Variants in NTM observed in about 807,000 individuals in gnomAD.
NTM encodes the protein IgLON family member 2.
A neutral mutation model predicts 42.1 loss-of-function variants in NTM; 13 were observed. The ratio of observed to expected loss-of-function variants is 0.31; its 90% CI spans 0.20 to 0.49. The LOEUF is 0.49. Among genes scored for constraint, NTM ranks in the 20% least tolerant of loss-of-function variants. The pLI, the probability that NTM is intolerant of heterozygous loss-of-function variation, is 0.99. For missense variants in NTM, 373 were observed against 452.8 expected (o/e 0.82, Z 1.60); for synonymous variants, 187 against 179.2 (o/e 1.04, Z -0.35).
At chr11:132,196,620 T>A (rs1468279570) in intron 3 of NTM, among the ~76,000 whole-genome samples, 1 of 152,036 alleles carries the variant, frequency 6.6e-6, no homozygotes, top group East Asian at 1.9e-4. Context: ...GTAAAACAAA[T>A]CAAATCATGT....
At chr11:131,623,367 C>G (rs1050544564) in intron 1 of NTM, among the ~76,000 whole-genome samples, 1 of 152,220 alleles carries the variant, frequency 6.6e-6, no homozygotes, top group Non-Finnish European at 1.5e-5. Flanking sequence ...AAATCGTATA[C>G]AAATATGAGA....
intron 1 of NTM, among the ~76,000 whole-genome samples, chr11:131,371,398 G>C (rs1407247056): frequency 3.9e-5 from 6 of 152,204 alleles, no homozygotes; most frequent in African/African-American, 1.4e-4. Flanking sequence ...CAGCGATCCA[G>C]CTGCAAGGGA....
chr11:132,231,445 C>T (rs1040823633), intron 4 of NTM, among the ~76,000 whole-genome samples: 1 of 152,188 alleles, frequency 6.6e-6, no homozygotes, highest in African/African-American at 2.4e-5. Flanking sequence ...AACATCCTTT[C>T]TTTTACAGGT....
In NTM at chr11:131,520,106, G is replaced by A. The variant is rs577644258; in HGVS notation, c.82+149218G>A. On this transcript the variant is annotated intron_variant, in intron 1 of 8. Coordinates refer to ENST00000683400, the MANE Select transcript of NTM (RefSeq NM_001352005.2). ...AATAGAGTCTTCAACTTCTATCGTC[G>A]TCAACAGTTGCATTATAGAATCTCC... 1.4e-4 allele frequency among the ~76,000 whole-genome samples: 22 copies of A among 152,260 alleles called. No homozygotes were observed. The East Asian group carries it at 1.7e-3, about 12-fold the overall frequency.
chr11:131,941,799 G>T (rs1462620830), intron 2 of NTM, among the ~76,000 whole-genome samples: 1 of 152,122 alleles, frequency 6.6e-6, no homozygotes, highest in African/African-American at 2.4e-5. Flanking sequence ...TAAATAATGG[G>T]CTTGGCTCTC....
intron 2 of NTM, among the ~76,000 whole-genome samples, chr11:131,992,448 C>T (rs2067197243): frequency 6.6e-6 from 1 of 151,700 alleles, no homozygotes; most frequent in Non-Finnish European, 1.5e-5. Context: ...CTCACCCCCA[C>T]ATTGTTCGAA....
chr11:131,985,864 G>C (rs1359284250), intron 2 of NTM, among the ~76,000 whole-genome samples: 1 of 152,198 alleles, frequency 6.6e-6, no homozygotes, highest in African/African-American at 2.4e-5. Context: ...TGTGAGGACT[G>C]AATTAGGCCT....
chr11:131,700,574 C>G (rs1464649955), intron 1 of NTM, among the ~76,000 whole-genome samples: 2 of 152,218 alleles, frequency 1.3e-5, no homozygotes, highest in Admixed American at 1.3e-4. Flanking sequence ...TTACACTGTG[C>G]TTACTGTGTG....
intron 1 of NTM, among the ~76,000 whole-genome samples, chr11:131,676,763 T>C (rs1044302120): frequency 3.3e-5 from 5 of 152,190 alleles, no homozygotes; most frequent in African/African-American, 1.2e-4. Context: ...CTTCCCTCCA[T>C]ATTTACTATG....
At chr11:131,556,655 C>T (rs1455340749) in intron 1 of NTM, among the ~76,000 whole-genome samples, 1 of 149,578 alleles carries the variant, frequency 6.7e-6, no homozygotes, top group Non-Finnish European at 1.5e-5. Context: ...GAAACCTTCG[C>T]CTCCCAGGTT....
intron 1 of NTM, among the ~76,000 whole-genome samples, chr11:131,418,848 A>C (rs1159113532): frequency 2.0e-5 from 3 of 152,246 alleles, no homozygotes; most frequent in South Asian, 4.1e-4. Flanking sequence ...GCAAAGTCTC[A>C]GAGCCAGGAG....
chr11:131,630,440 T>C (rs1351399939), intron 1 of NTM, among the ~76,000 whole-genome samples: 1 of 131,824 alleles, frequency 7.6e-6, no homozygotes, highest in Admixed American at 8.1e-5. Flanking sequence ...CTTTGACTTT[T>C]CTGTGTTCTC....
chr11:132,163,615 GA>G (rs1167031339), intron 3 of NTM, among the ~76,000 whole-genome samples: 1 of 152,200 alleles, frequency 6.6e-6, no homozygotes, highest in Admixed American at 6.5e-5. Flanking sequence ...TTTGAATTCA[GA>G]AAGTCTGACT....
intron 3 of NTM, among the ~76,000 whole-genome samples, chr11:132,174,544 C>T (rs1324758572): frequency 2.6e-5 from 4 of 152,284 alleles, no homozygotes; most frequent in Non-Finnish European, 2.9e-5. Context: ...ATTGCTGTGT[C>T]GCCTCTTTCT....
chr11:131,541,138 G>A (rs997968949), intron 1 of NTM, among the ~76,000 whole-genome samples: 1 of 152,144 alleles, frequency 6.6e-6, no homozygotes, highest in African/African-American at 2.4e-5. Flanking sequence ...TCTAAAGGAG[G>A]CCATGTCCAC....
chr11:131,525,543 T>C (rs1428242803), intron 1 of NTM, among the ~76,000 whole-genome samples: 2 of 152,202 alleles, frequency 1.3e-5, no homozygotes, highest in Admixed American at 1.3e-4. Context: ...GCCTAGCTAA[T>C]GGACTGGGCA....
intron 2 of NTM, among the ~76,000 whole-genome samples, chr11:132,072,982 T>C (rs2057899649): frequency 1.3e-5 from 2 of 152,130 alleles, no homozygotes; most frequent in Admixed American, 1.3e-4. Context: ...GATCCAAAGA[T>C]GGTGTCATTT....
chr11:132,317,874 C>G (rs1233382429), intron 7 of NTM, among the ~76,000 whole-genome samples: 1 of 152,130 alleles, frequency 6.6e-6, no homozygotes, highest in Admixed American at 6.5e-5. Context: ...TTGCTCATCC[C>G]TTGCTCTCAC....
chr11:131,658,150 C>G (rs532873699), intron 1 of NTM, among the ~76,000 whole-genome samples: 1 of 152,258 alleles, frequency 6.6e-6, no homozygotes, highest in East Asian at 1.9e-4. Context: ...TCTCCCAGGG[C>G]TAGGATCTTA....
Sources: gnomAD v4.1 joint callset for allele counts (sites outside exome capture counted in the v4.1 genomes callset) on GRCh38, gnomAD v4.1.1 for gene constraint, MANE v1.5 for transcripts, NCBI Gene and HGNC (gene_info 2026-07-23, HGNC 2026-07-21) for gene names.